The following SMARCA2 variants were observed in gnomAD, a reference collection of about 807,000 sequenced individuals.
SMARCA2 encodes the protein SWI/SNF-related matrix-associated actin-dependent regulator of chromatin subfamily A member 2.
In SMARCA2, 61 loss-of-function variants were observed where a neutral mutation model predicts 199.8. The ratio of observed to expected loss-of-function variants is 0.31; its 90% CI spans 0.25 to 0.38. SMARCA2 has a LOEUF of 0.38. Among genes scored for constraint, SMARCA2 ranks in the 10% least tolerant of loss-of-function variants. The probability of loss-of-function intolerance (pLI) is 1.00; values close to 1 mark genes in which losing one functional copy is unlikely to be tolerated. For missense variants in SMARCA2, 1,344 were observed against 2,012.2 expected, an observed-to-expected ratio of 0.67 and a Z score of 6.35; for synonymous variants, 935 against 732.0, an observed-to-expected ratio of 1.28 and a Z score of -4.48.
chr9:2,156,268 G>A (rs905408384), intron 27 of SMARCA2, among the ~76,000 whole-genome samples: 2 of 152,168 alleles, frequency 1.3e-5, no homozygotes, highest in African/African-American at 2.4e-5. Flanking sequence ...AATATGTGCT[G>A]TGTGTCGAGG....
intron 23 of SMARCA2, among the ~76,000 whole-genome samples, chr9:2,107,917 C>A (rs370198405): frequency 4.2e-4 from 64 of 152,136 alleles, no homozygotes; most frequent in African/African-American, 1.5e-3. Flanking sequence ...GATGGAAGAA[C>A]AGCCCTCAAC....
At chr9:2,191,533 T>G in intron 33 of SMARCA2, 125 bp downstream of exon 33, 1 of 1,046,000 alleles carries the variant, frequency 9.6e-7, no homozygotes, top group Non-Finnish European at 1.4e-6. Flanking sequence ...CAGGATTTAG[T>G]GAGATTTCAT....
intron 1 of SMARCA2, among the ~76,000 whole-genome samples, chr9:2,018,377 C>A (rs189179880): frequency 1.7e-3 from 255 of 152,238 alleles, no homozygotes; most frequent in African/African-American, 6.0e-3. Flanking sequence ...TCCTCCCTAA[C>A]CTGATGGAGG....
chr9:2,042,839 C>T (rs1029688755), intron 4 of SMARCA2: 5 of 152,056 alleles, frequency 3.3e-5, no homozygotes, highest in South Asian at 2.1e-4. Context: ...GGAAAGGAGA[C>T]GTGAATGAAG....
In SMARCA2 at chr9:2,161,273, T is replaced by A. The variant is rs1207877124; in HGVS notation, c.3982-413T>A. Reference sequence around the variant, plus strand: ...ATCGTGTGGATGTATTCTTAGGGATTGTTTTTTCATAACCCACCCCTCGTT... The same window carrying A: ...ATCGTGTGGATGTATTCTTAGGGATAGTTTTTTCATAACCCACCCCTCGTT... On this transcript the variant is annotated intron_variant, in intron 27 of 33. Transcript: ENST00000349721. This position sits in a 1 kb window ranked among gnomAD's most constrained non-coding sequence, Gnocchi z 4.7. Among the ~76,000 whole-genome samples, 3 of 152,214 alleles carry A rather than the reference T, an allele frequency of 2.0e-5. No individual in the cohort carries two copies. The highest frequency in any genetic ancestry group is 3.8e-4 in the East Asian group (2 of 5,200).
chr9:2,018,327 A>C (rs557505114), intron 1 of SMARCA2, among the ~76,000 whole-genome samples: 52 of 151,646 alleles, frequency 3.4e-4, no homozygotes, highest in Non-Finnish European at 6.8e-4. Context: ...TGTTTATATA[A>C]CTTTTGGGTG....
chr9:2,043,859 G>C (rs1231272997), intron 4 of SMARCA2: 1 of 152,190 alleles, frequency 6.6e-6, no homozygotes, highest in African/African-American at 2.4e-5. Flanking sequence ...TTTCTACTTT[G>C]TTTCTACTTT....
At position 2,169,381 on chromosome 9, in the gene SMARCA2, G is replaced by A. The variant is rs1826116556; in HGVS notation, c.4200-1038G>A. On this transcript the variant is annotated intron_variant, in intron 28 of 33. Transcript: ENST00000349721. This position sits in a 1 kb window ranked among gnomAD's most constrained non-coding sequence, Gnocchi z 6.5. ...CCAGACTTCTTAGCGTAGGAGAATT[G>A]TTATCTTCCACAGTCTGAACCTTCG... Among the ~76,000 whole-genome samples the A allele has an allele frequency of 6.6e-6, 1 of 152,132 alleles. No homozygotes were observed. The highest frequency in any genetic ancestry group is 2.4e-5 in the African/African-American group (1 of 41,406).
At chr9:2,131,934 T>C (rs1182699863) in intron 27 of SMARCA2, among the ~76,000 whole-genome samples, 1 of 110,034 alleles carries the variant, frequency 9.1e-6, no homozygotes, top group Non-Finnish European at 1.7e-5. Context: ...CAAAACTCCA[T>C]CTCAAAAAAA....
intron 5 of SMARCA2, among the ~76,000 whole-genome samples, chr9:2,053,742 T>A (rs1820230368): frequency 1.3e-5 from 2 of 152,208 alleles, no homozygotes; most frequent in African/African-American, 4.8e-5. Context: ...GGCATATAAT[T>A]ATTTTGTCAG....
In SMARCA2 at chr9:2,039,944, C is replaced by A. The variant is rs750032441; in HGVS notation, c.790+44C>A. 8 of 1,601,502 alleles carry A rather than the reference C, an allele frequency of 5.0e-6. No homozygotes were observed. The Admixed American group carries it at 1.2e-4, about 23-fold the overall frequency. On this transcript the variant is annotated intron_variant, in intron 4 of 33. Coordinates refer to ENST00000349721, the MANE Select transcript of SMARCA2 (RefSeq NM_003070.5). The surrounding 1 kb of genome is among the most constrained non-coding windows in gnomAD (Gnocchi z 4.8). ...AAATGAATAATGCCATGGTCCAACT[C>A]GGATAACAAAGACTGCTCACCAAAA... is the stretch of plus-strand genomic sequence containing the variant.
chr9:2,068,722 G>GT (rs879412375), intron 9 of SMARCA2, among the ~76,000 whole-genome samples: 345 of 145,810 alleles, frequency 2.4e-3, no homozygotes, highest in Middle Eastern at 0.01. Context: ...AATGACTAAA[G>GT]TTTTTTTTTT....
At chr9:2,054,061 A>G (rs1262042602) in intron 5 of SMARCA2, among the ~76,000 whole-genome samples, 1 of 152,224 alleles carries the variant, frequency 6.6e-6, no homozygotes, top group African/African-American at 2.4e-5. Context: ...CGCTTTCTGA[A>G]TGTTTAGGGT....
chr9:2,114,071 A>T (rs1459745644), intron 24 of SMARCA2, among the ~76,000 whole-genome samples: 1 of 152,172 alleles, frequency 6.6e-6, no homozygotes, highest in Non-Finnish European at 1.5e-5. Context: ...AGATAGTGAA[A>T]AGCCTCATGA....
Position 2,093,471 on chromosome 9 carries a change from G to A in SMARCA2, c.2884-3186G>A, listed in dbSNP as rs146369068. Among the ~76,000 whole-genome samples, 744 of 152,306 alleles carry A rather than the reference G, an allele frequency of 4.9e-3. 24 individuals are homozygous for A. The highest frequency in any genetic ancestry group is 5.7e-3 in the Admixed American group (88 of 15,306). ...TATCCCAGGGGAAGCGTGAGAGTGGGTTTCCACCACTGGGAGCATCTGATA... is the reference window on the plus strand; with the variant it reads ...TATCCCAGGGGAAGCGTGAGAGTGGATTTCCACCACTGGGAGCATCTGATA... On this transcript the variant is annotated intron_variant, in intron 19 of 33. Transcript: ENST00000349721.
rs964276547 is a variant in SMARCA2 at position 2,104,493 on chromosome 9, T to C, written c.3292+324T>C. Among the ~76,000 whole-genome samples the C allele has an allele frequency of 2.6e-5, 4 of 152,192 alleles. No individual in the cohort carries two copies. The highest frequency in any genetic ancestry group is 5.9e-5 in the Non-Finnish European group (4 of 68,012). On this transcript the variant is annotated intron_variant, in intron 23 of 33. Transcript: ENST00000349721. The surrounding 1 kb of genome is among the most constrained non-coding windows in gnomAD (Gnocchi z 4.0). ...AAAATTGTTACCTATGTGCCAAAGA[T>C]ATAGAATACATTGACACACCTTTAA...
At chr9:2,070,655 A>C (rs554347616) in intron 10 of SMARCA2, among the ~76,000 whole-genome samples, 184 bp downstream of exon 10, 2 of 152,350 alleles carry the variant, frequency 1.3e-5, no homozygotes, top group African/African-American at 4.8e-5. Context: ...AAAATAATCT[A>C]CTTACATGTC....
rs376481018 is a variant in SMARCA2, at chr9:2,096,631, C to T, written c.2884-26C>T. ...AGGCGCCTTCTCCTTCCTGCTCTTG[C>T]CTACTTACTGTTCTCTTTTCTGCAG... On this transcript the variant is annotated intron_variant, in intron 19 of 33. Coordinates refer to ENST00000349721, the MANE Select transcript of SMARCA2 (RefSeq NM_003070.5). 1.5e-5 allele frequency: 22 copies of T among 1,488,798 alleles called. No homozygotes were observed. The African/African-American group carries it at 2.6e-4, about 18-fold the overall frequency. The allele number at this position is 1,488,798 out of a possible 1,614,324, so 92.2% of individuals were successfully genotyped here. A position where few individuals can be genotyped will look rare whatever the true frequency, so the allele number is the denominator to read the frequency against.
intron 9 of SMARCA2, among the ~76,000 whole-genome samples, chr9:2,063,714 T>C (rs1820701157): frequency 6.8e-6 from 1 of 146,252 alleles, no homozygotes; most frequent in African/African-American, 2.5e-5. Context: ...GATTACCTTT[T>C]ATTTTCAGCG....
Sources: allele counts gnomAD v4.1 joint callset (sites outside exome capture counted in the v4.1 genomes callset), GRCh38; gene constraint gnomAD v4.1.1; non-coding constraint Gnocchi (gnomAD v3.1); transcripts MANE v1.5; gene names NCBI Gene and HGNC (gene_info 2026-07-23, HGNC 2026-07-21).